The following SPG11 variants were observed in gnomAD, a reference collection of about 807,000 sequenced individuals.
The protein encoded by SPG11 is spatacsin.
Under a neutral mutation model 274.0 loss-of-function variants are expected in SPG11, and 222 were observed. The ratio of observed to expected loss-of-function variants is 0.81; its 90% CI spans 0.73 to 0.91. SPG11 has a LOEUF of 0.91. SPG11 is among the 40% of genes least tolerant of loss of function. The probability of loss-of-function intolerance (pLI) is 0.00; values close to 1 mark genes in which losing one functional copy is unlikely to be tolerated. For missense variants in SPG11, 3,114 were observed against 2,872.7 expected, an observed-to-expected ratio of 1.08 and a Z score of -1.92; for synonymous variants, 1,144 against 1,039.7, an observed-to-expected ratio of 1.10 and a Z score of -1.93.
chr15:44,565,196 T>C (rs2082284365), intron 38 of SPG11, among the ~76,000 whole-genome samples: 1 of 152,282 alleles, frequency 6.6e-6, no homozygotes, highest in East Asian at 1.9e-4. Context: ...CTAACCTGAG[T>C]GTGCCATTCT....
chr15:44,636,429 A>G (rs867916725), intron 7 of SPG11, among the ~76,000 whole-genome samples: 2 of 151,932 alleles, frequency 1.3e-5, no homozygotes, highest in Non-Finnish European at 2.9e-5. Context: ...TGGTTAAGAA[A>G]AAAAAAAAGG....
chr15:44,590,196 C>CGAAG (rs2082869858), intron 27 of SPG11, among the ~76,000 whole-genome samples: 1 of 152,236 alleles, frequency 6.6e-6, no homozygotes, highest in Non-Finnish European at 1.5e-5. Context: ...AAAGACGTGC[C>CGAAG]TAACATTACT....
intron 4 of SPG11, among the ~76,000 whole-genome samples, chr15:44,653,374 A>G (rs1276258543): frequency 6.6e-6 from 1 of 152,168 alleles, no homozygotes; most frequent in Non-Finnish European, 1.5e-5. Context: ...ATGATGATGA[A>G]AAGAAGTTAG....
chr15:44,642,945 G>C (rs573879854), intron 7 of SPG11, among the ~76,000 whole-genome samples: 1 of 152,078 alleles, frequency 6.6e-6, no homozygotes, highest in Non-Finnish European at 1.5e-5. Flanking sequence ...ATAGGATCAG[G>C]GCAGGGCATA....
At chr15:44,598,910 A>T (rs923748560) in intron 21 of SPG11, 74 bp from the exon 22 acceptor site, 1 of 1,433,458 alleles carries the variant, frequency 7.0e-7, no homozygotes, top group African/African-American at 1.4e-5. Flanking sequence ...AATGGAATTA[A>T]ATCAGTGACA....
chr15:44,639,404 A>G (rs975008511), intron 7 of SPG11, among the ~76,000 whole-genome samples: 12 of 152,028 alleles, frequency 7.9e-5, no homozygotes, highest in African/African-American at 2.4e-5. Flanking sequence ...TAGTACCCCA[A>G]TTAAGAAAAA....
intron 20 of SPG11, chr15:44,604,315 T>C (rs1258418030): frequency 3.4e-6 from 1 of 294,590 alleles, no homozygotes; most frequent in Admixed American, 4.5e-5. Context: ...CTATTTGTAT[T>C]CTTGTGAGAA....
rs1242169818 is a variant in SPG11, at chr15:44,608,463, G to A, written c.3434C>T (p.Thr1145Ile). ...TPPSVLPSDITIYHLIQSLSP... is the reference protein window; with the variant it reads ...TPPSVLPSDIIIYHLIQSLSP... The stretch of plus-strand genomic sequence containing the variant: ...CTGTACCTGAATAAGGTGGTAGATT[G>A]TAATATCAGATGGCAGGACACTAGG... Residue 1145 changes from threonine (T) to isoleucine (I), a missense_variant, in exon 19 of 40, where the codon ACA becomes ATA. Coordinates refer to ENST00000261866, the MANE Select transcript of SPG11 (RefSeq NM_025137.4). 13 of 1,614,070 alleles carry A rather than the reference G, an allele frequency of 8.1e-6. No homozygotes were observed. The highest frequency in any genetic ancestry group is 4.5e-5 in the East Asian group (2 of 44,886).
At chr15:44,636,941 A>AC (rs2084284336) in intron 7 of SPG11, among the ~76,000 whole-genome samples, 12 of 118,092 alleles carry the variant, frequency 1.0e-4, no homozygotes, top group Non-Finnish European at 1.8e-4. Flanking sequence ...AAAAAAAAAA[A>AC]AAAAAAAAAA....
At chr15:44,569,350 A>C in intron 35 of SPG11, 48 bp downstream of exon 35, 2 of 1,325,688 alleles carry the variant, frequency 1.5e-6, no homozygotes, top group Non-Finnish European at 2.1e-6. Flanking sequence ...GAGGCTCCTG[A>C]ATTATCAGCA....
At chr15:44,641,493 T>C (rs928874693) in intron 7 of SPG11, among the ~76,000 whole-genome samples, 3 of 150,482 alleles carry the variant, frequency 2.0e-5, no homozygotes, top group African/African-American at 4.9e-5. Context: ...TATCCAACAC[T>C]ATAAACCAAT....
At position 44,563,276 on chromosome 15, in the gene SPG11, T is replaced by A. The variant is rs888840813; in HGVS notation, c.7177A>T (p.Met2393Leu). ...AATTTCTTCAGGTTTTCCATGACCA[T>A]GTCAGTAGGCTGATGTTGTTTATAT... The part of the protein sequence containing the change: ...KKYKQHQPTD[M>L]VMENLKKLLT... Residue 2393 changes from methionine (M) to leucine (L), a missense_variant, in exon 40 of 40, where the codon ATG (methionine) becomes TTG (leucine). Coordinates refer to ENST00000261866, the MANE Select transcript of SPG11 (RefSeq NM_025137.4). 2.0e-5 allele frequency: 32 copies of A among 1,613,630 alleles called. No homozygotes were observed. The highest frequency in any genetic ancestry group is 2.6e-5 in the Non-Finnish European group (31 of 1,179,670).
chr15:44,573,915 T>TCA, intron 31 of SPG11, 170 bp from the exon 32 acceptor site: 1 of 653,448 alleles, frequency 1.5e-6, no homozygotes, highest in East Asian at 2.7e-5. Context: ...ACCCTTTCTA[T>TCA]CATTTCACCA....
chr15:44,657,334 A>G (rs376853863), intron 3 of SPG11, 38 bp from the exon 4 acceptor site: 279 of 1,583,824 alleles, frequency 1.8e-4, no homozygotes, highest in Non-Finnish European at 2.3e-4. Context: ...CAGTTTTGTA[A>G]GTATGCCTAA....
chr15:44,645,261 A>C (rs192538216), intron 7 of SPG11, among the ~76,000 whole-genome samples: 1 of 152,326 alleles, frequency 6.6e-6, no homozygotes, highest in African/African-American at 2.4e-5. Flanking sequence ...GTACTGGTAC[A>C]AAAGCAGACA....
In SPG11 at chr15:44,660,513, T is replaced by G. The variant is rs778960331; in HGVS notation, c.361A>C (p.Lys121Gln). ...ATGGTTGCATCACATCTTCCATCTT[T>G]CAAATTAAATTCATAGATAAGCAGT... ...YELLIYEFNL[K>Q]DGRCDATILY... The change falls in exon 2 of 40, where the codon AAA (lysine) becomes CAA (glutamine). Residue 121 changes from lysine to glutamine, a missense_variant. Transcript: ENST00000261866. The G allele has an allele frequency of 4.2e-5, 68 of 1,614,066 alleles. No individual in the cohort carries two copies. The highest frequency in any genetic ancestry group is 5.8e-5 in the Non-Finnish European group (68 of 1,180,028).
chr15:44,565,780 C>A, intron 38 of SPG11, 74 bp downstream of exon 38: 1 of 1,586,926 alleles, frequency 6.3e-7, no homozygotes, highest in Non-Finnish European at 8.6e-7. Context: ...GAGACCTTAC[C>A]TCTGGGTTCC....
chr15:44,596,062 C>G lies in SPG11; in HGVS notation c.4434+21G>C, dbSNP rs779919998. 6 of 1,612,464 alleles carry G rather than the reference C, an allele frequency of 3.7e-6. No homozygotes were observed. In the African/African-American group the frequency reaches 8.0e-5, roughly 22 times the overall value. On this transcript the variant is annotated intron_variant, in intron 25 of 39. Transcript: ENST00000261866. The stretch of plus-strand genomic sequence containing the variant: ...TCTATTGTTCTCTGGGTACTTACTT[C>G]AGGCTTCTCATGATCCTCACCTGGA...
intron 30 of SPG11, among the ~76,000 whole-genome samples, chr15:44,579,692 T>G (rs951199179): frequency 2.0e-5 from 3 of 152,146 alleles, no homozygotes; most frequent in South Asian, 4.1e-4. Context: ...TGAATGGTCT[T>G]GAGACAAACA....
Sources: allele counts gnomAD v4.1 joint callset (sites outside exome capture counted in the v4.1 genomes callset), GRCh38; gene constraint gnomAD v4.1.1; transcripts MANE v1.5; gene names NCBI Gene and HGNC (gene_info 2026-07-23, HGNC 2026-07-21).